ARHGAP6: variants seen among roughly 807,000 people sequenced by gnomAD.
ARHGAP6 encodes the protein rho GTPase-activating protein 6.
Under a neutral mutation model 55.7 loss-of-function variants are expected in ARHGAP6, and 16 were observed. The observed-to-expected ratio is 0.29, with a 90% CI of 0.19 to 0.44. The LOEUF is 0.44. ARHGAP6 is among the 20% of genes least tolerant of loss of function. The pLI is 1.00. For synonymous variants in ARHGAP6, 382 were observed against 360.9 expected (o/e 1.06, Z -0.66); for missense variants, 698 against 808.9 (o/e 0.86, Z 1.66).
intron 1 of ARHGAP6, among the ~76,000 whole-genome samples, chrX:11,437,575 C>T (rs759825220): frequency 8.9e-6 from 1 of 111,969 alleles, no homozygotes; most frequent in African/African-American, 3.2e-5. Flanking sequence ...GGAATAAAGC[C>T]AAGTAAGGGT....
At position 11,367,933 on chromosome X, in the gene ARHGAP6, C is replaced by T. The variant is rs2049101487; in HGVS notation, c.589-113226G>A. ...TCCTGCACTGACCTGGAACTATCTA[C>T]GTGAACTGCCTTCAACCAATTCTGC... On this transcript the variant is annotated intron_variant, in intron 1 of 12. Coordinates refer to ENST00000337414, the MANE Select transcript of ARHGAP6 (RefSeq NM_013427.3). 3.6e-5 allele frequency: 8 copies of T among 224,864 alleles called. No individual in the cohort carries two copies. The South Asian group carries it at 1.1e-3, about 31-fold the overall frequency. The allele number at this position is 224,864 out of a possible 1,213,427, so 18.5% of individuals were successfully genotyped here.
chrX:11,314,113 C>T (rs1311958991), intron 1 of ARHGAP6, among the ~76,000 whole-genome samples: 1 of 112,357 alleles, frequency 8.9e-6, no homozygotes, highest in Non-Finnish European at 1.9e-5. Context: ...ATGTACATTA[C>T]GAATTGTTTT....
In ARHGAP6 at chrX:11,586,295, T is replaced by C. The variant is rs142669960; in HGVS notation, c.588+77946A>G. Among the ~76,000 whole-genome samples, 207 of 112,393 alleles carry C rather than the reference T, an allele frequency of 1.8e-3. 3 individuals are homozygous for C. Among genetic ancestry groups the C allele is most frequent in the East Asian group, 4.2e-3 (15 of 3,585 alleles). On this transcript the variant is annotated intron_variant, in intron 1 of 12. Coordinates refer to ENST00000337414, the MANE Select transcript of ARHGAP6 (RefSeq NM_013427.3). ...TGCCTAGGTTGTCTTCCAGGACTTTTATAGTTTTAAGTTTTACATTTGGGT... is the reference window on the plus strand; with the variant it reads ...TGCCTAGGTTGTCTTCCAGGACTTTCATAGTTTTAAGTTTTACATTTGGGT...
chrX:11,429,737 C>T (rs990762645), intron 1 of ARHGAP6, among the ~76,000 whole-genome samples: 1 of 111,247 alleles, frequency 9.0e-6, no homozygotes, highest in Non-Finnish European at 1.9e-5. Flanking sequence ...AGGCAGAGCT[C>T]GAAAAATGAC....
intron 2 of ARHGAP6, among the ~76,000 whole-genome samples, chrX:11,251,243 C>T (rs1318967316): frequency 1.8e-5 from 2 of 111,472 alleles, no homozygotes; most frequent in Admixed American, 9.5e-5. Context: ...GACGCTGAGA[C>T]GCAATCTGGA....
chrX:11,341,615 T>C (rs2048707397), intron 1 of ARHGAP6, among the ~76,000 whole-genome samples: 1 of 111,959 alleles, frequency 8.9e-6, no homozygotes, highest in African/African-American at 3.3e-5. Flanking sequence ...CTTTGTGCAG[T>C]TGATAATGAC....
At chrX:11,437,596 G>A (rs970529582) in intron 1 of ARHGAP6, among the ~76,000 whole-genome samples, 3 of 112,227 alleles carry the variant, frequency 2.7e-5, no homozygotes, top group African/African-American at 9.7e-5. Context: ...GTGATTTCTA[G>A]CAAAGTCCCA....
At chrX:11,208,340 C>T (rs763142517) in intron 2 of ARHGAP6, among the ~76,000 whole-genome samples, 1 of 111,175 alleles carries the variant, frequency 9.0e-6, no homozygotes, top group Non-Finnish European at 1.9e-5. Flanking sequence ...GTGACTTCGA[C>T]CCAGTTCAAA....
intron 1 of ARHGAP6, among the ~76,000 whole-genome samples, chrX:11,290,863 A>T (rs992976107): frequency 2.7e-5 from 3 of 112,037 alleles, no homozygotes; most frequent in Non-Finnish European, 5.6e-5. Context: ...CTCACAGGCG[A>T]GGCCCTCCCA....
chrX:11,301,692 T>C (rs1007863444), intron 1 of ARHGAP6, among the ~76,000 whole-genome samples: 3 of 112,110 alleles, frequency 2.7e-5, no homozygotes, highest in Non-Finnish European at 5.6e-5. Flanking sequence ...TTCTAATCAA[T>C]TGAGTCAATA....
At chrX:11,386,723 C>T (rs772111409) in intron 1 of ARHGAP6, among the ~76,000 whole-genome samples, 17 of 111,497 alleles carry the variant, frequency 1.5e-4, no homozygotes, top group Non-Finnish European at 2.6e-4. Context: ...ATTCACAAAA[C>T]GTGAGCATGT....
chrX:11,648,062 TAGAC>T (rs1028863648), intron 1 of ARHGAP6, among the ~76,000 whole-genome samples: 3 of 112,108 alleles, frequency 2.7e-5, no homozygotes, highest in African/African-American at 6.5e-5. Context: ...AAGTTACAGT[TAGAC>T]AGGAAAAATA....
At chrX:11,559,442 C>G (rs758453637) in intron 1 of ARHGAP6, among the ~76,000 whole-genome samples, 64 of 111,394 alleles carry the variant, frequency 5.7e-4, no homozygotes, top group African/African-American at 1.8e-3. Flanking sequence ...TGGAGGGTTC[C>G]TCCTCCCATA....
chrX:11,489,367 G>T (rs1245180034), intron 1 of ARHGAP6, among the ~76,000 whole-genome samples: 3 of 111,650 alleles, frequency 2.7e-5, no homozygotes, highest in African/African-American at 9.8e-5. Context: ...GGTAAGGAAA[G>T]AACGCTATTG....
chrX:11,244,957 G>C (rs778298147), intron 2 of ARHGAP6, among the ~76,000 whole-genome samples: 1 of 112,200 alleles, frequency 8.9e-6, no homozygotes, highest in South Asian at 3.7e-4. Context: ...ACACCTGCTT[G>C]GCACCAACAT....
intron 1 of ARHGAP6, among the ~76,000 whole-genome samples, chrX:11,513,222 C>A (rs2050801700): frequency 9.0e-6 from 1 of 111,205 alleles, no homozygotes; most frequent in Admixed American, 9.6e-5. Context: ...TTACTGAAAA[C>A]TCATCATGTT....
intron 1 of ARHGAP6, among the ~76,000 whole-genome samples, chrX:11,632,850 C>A (rs2052375836): frequency 8.9e-6 from 1 of 112,242 alleles, no homozygotes; most frequent in Non-Finnish European, 1.9e-5. Flanking sequence ...GTGTCCATCC[C>A]TTGGCTTTTG....
At chrX:11,174,722 C>T (rs965543288) in intron 8 of ARHGAP6, among the ~76,000 whole-genome samples, 1 of 102,560 alleles carries the variant, frequency 9.8e-6, no homozygotes, top group African/African-American at 3.6e-5. Flanking sequence ...GAGTCTCGCT[C>T]TGTCACCCAG....
chrX:11,586,924 T>C lies in ARHGAP6; in HGVS notation c.588+77317A>G, dbSNP rs980852499. ...TTGTATTTCTAGGTAATTTTAATCT[T>C]TTTGTGGCAATTGTGAATGGGAGTT... is the stretch of plus-strand genomic sequence containing the variant. On this transcript the variant is annotated intron_variant, in intron 1 of 12. Coordinates refer to ENST00000337414, the MANE Select transcript of ARHGAP6 (RefSeq NM_013427.3). Among the ~76,000 whole-genome samples the C allele has an allele frequency of 2.7e-5, 3 of 112,119 alleles. No individual in the cohort carries two copies. The Admixed American group carries it at 2.8e-4, about 11-fold the overall frequency.
Sources: allele counts gnomAD v4.1 joint callset (sites outside exome capture counted in the v4.1 genomes callset), GRCh38; gene constraint gnomAD v4.1.1; transcripts MANE v1.5; gene names NCBI Gene and HGNC (gene_info 2026-07-23, HGNC 2026-07-21).